The following SLCO5A1 variants were observed in gnomAD, a reference collection of about 807,000 sequenced individuals.
The protein encoded by SLCO5A1 is solute carrier organic anion transporter family member 5A1.
A neutral mutation model predicts 65.1 loss-of-function variants in SLCO5A1; 39 were observed. The observed-to-expected ratio is 0.60, with a 90% CI of 0.46 to 0.78. SLCO5A1 has a LOEUF of 0.78. Among genes scored for constraint, SLCO5A1 ranks in the 30% least tolerant of loss-of-function variants. The pLI, the probability that SLCO5A1 is intolerant of heterozygous loss-of-function variation, is 0.00. For missense variants in SLCO5A1, 1,029 were observed against 1,069.4 expected (o/e 0.96, Z 0.53); for synonymous variants, 438 against 415.7 (o/e 1.05, Z -0.65).
At chr8:69,733,473 C>G (rs537452833) in intron 5 of SLCO5A1, among the ~76,000 whole-genome samples, 1 of 152,140 alleles carries the variant, frequency 6.6e-6, no homozygotes, top group Admixed American at 6.5e-5. Context: ...AACTAGTTAC[C>G]GGCAGTGAAT....
At chr8:69,769,889 A>G (rs1327062456) in intron 2 of SLCO5A1, among the ~76,000 whole-genome samples, 1 of 152,208 alleles carries the variant, frequency 6.6e-6, no homozygotes, top group Non-Finnish European at 1.5e-5. Flanking sequence ...ACTAAATATA[A>G]GATGGATTTA....
intron 2 of SLCO5A1, among the ~76,000 whole-genome samples, chr8:69,792,225 C>T (rs1367493429): frequency 2.0e-5 from 3 of 151,686 alleles, no homozygotes; most frequent in African/African-American, 7.3e-5. Context: ...AATGGCCAAA[C>T]AGAGCAGTGC....
chr8:69,730,625 C>A (rs117776355), intron 5 of SLCO5A1, among the ~76,000 whole-genome samples: 1 of 152,310 alleles, frequency 6.6e-6, no homozygotes, highest in East Asian at 1.9e-4. Context: ...GCACTGACTC[C>A]TAGTCAAGGC....
chr8:69,676,220 G>T (rs533404722), intron 9 of SLCO5A1, among the ~76,000 whole-genome samples: 1 of 152,136 alleles, frequency 6.6e-6, no homozygotes, highest in African/African-American at 2.4e-5. Flanking sequence ...AAGAAGTGAG[G>T]CATTGAAAAC....
chr8:69,825,858 C>A (rs1405945413), intron 2 of SLCO5A1, among the ~76,000 whole-genome samples: 11 of 152,202 alleles, frequency 7.2e-5, no homozygotes, highest in Non-Finnish European at 1.5e-5. Flanking sequence ...CTGGAGGCAT[C>A]ACACTACCTG....
intron 4 of SLCO5A1, among the ~76,000 whole-genome samples, chr8:69,748,850 A>AC (rs1817153694): frequency 6.6e-6 from 1 of 152,160 alleles, no homozygotes; most frequent in South Asian, 2.1e-4. Flanking sequence ...ACTGGGGCCT[A>AC]AAGACCTGGG....
At chr8:69,753,336 G>C (rs1817403628) in intron 4 of SLCO5A1, among the ~76,000 whole-genome samples, 4 of 152,116 alleles carry the variant, frequency 2.6e-5, no homozygotes, top group Admixed American at 1.3e-4. Context: ...GAGGCCAGGG[G>C]GTTCATTCCT....
intron 6 of SLCO5A1, among the ~76,000 whole-genome samples, chr8:69,704,017 G>A (rs1017111696): frequency 2.6e-5 from 4 of 152,152 alleles, no homozygotes; most frequent in African/African-American, 7.2e-5. Flanking sequence ...AGCCACAGAG[G>A]TGTATTTACA....
chr8:69,820,849 C>T (rs1258580025), intron 2 of SLCO5A1, among the ~76,000 whole-genome samples: 1 of 152,000 alleles, frequency 6.6e-6, no homozygotes, highest in Non-Finnish European at 1.5e-5. Context: ...TATGTATGCA[C>T]ACATGGAATC....
At chr8:69,710,558 A>C (rs957229669) in intron 5 of SLCO5A1, among the ~76,000 whole-genome samples, 1 of 152,152 alleles carries the variant, frequency 6.6e-6, no homozygotes, top group Non-Finnish European at 1.5e-5. Flanking sequence ...AAACGTATAC[A>C]TGCTATCAAT....
chr8:69,711,430 G>T (rs752213277), intron 5 of SLCO5A1, among the ~76,000 whole-genome samples: 3 of 152,180 alleles, frequency 2.0e-5, no homozygotes, highest in Non-Finnish European at 4.4e-5. Context: ...CCTGGGGAGC[G>T]CAGGAGAAAA....
At chr8:69,800,705 C>G (rs1006500561) in intron 2 of SLCO5A1, among the ~76,000 whole-genome samples, 1 of 152,160 alleles carries the variant, frequency 6.6e-6, no homozygotes, top group African/African-American at 2.4e-5. Context: ...AAGGTTTATT[C>G]CTCGGTCACA....
chr8:69,687,566 T>C (rs1197714924), intron 6 of SLCO5A1, among the ~76,000 whole-genome samples: 7 of 152,190 alleles, frequency 4.6e-5, no homozygotes, highest in Non-Finnish European at 1.0e-4. Flanking sequence ...TTTCAAAATA[T>C]CTTTATTTAT....
At chr8:69,694,309 A>G (rs1452529599) in intron 6 of SLCO5A1, among the ~76,000 whole-genome samples, 7 of 152,232 alleles carry the variant, frequency 4.6e-5, no homozygotes, top group Non-Finnish European at 8.8e-5. Context: ...TTCTTTAACT[A>G]AAACATAGAT....
chr8:69,780,570 G>A (rs1263452147), intron 2 of SLCO5A1, among the ~76,000 whole-genome samples: 1 of 152,218 alleles, frequency 6.6e-6, no homozygotes, highest in Non-Finnish European at 1.5e-5. Flanking sequence ...AATAGCACAT[G>A]TTCTCACTTA....
At chr8:69,829,763 T>G (rs1357516706) in intron 2 of SLCO5A1, among the ~76,000 whole-genome samples, 2 of 152,234 alleles carry the variant, frequency 1.3e-5, no homozygotes, top group African/African-American at 4.8e-5. Context: ...AGGGAATGAT[T>G]ATGAACTTCC....
At chr8:69,817,854 G>A (rs1820468921) in intron 2 of SLCO5A1, among the ~76,000 whole-genome samples, 1 of 152,122 alleles carries the variant, frequency 6.6e-6, no homozygotes, top group Non-Finnish European at 1.5e-5. Context: ...TTTCTAGATT[G>A]TCTTTAAAGA....
intron 5 of SLCO5A1, among the ~76,000 whole-genome samples, chr8:69,711,836 A>G (rs57237145): frequency 0.11 from 16,646 of 152,272 alleles, 1,150 homozygotes; most frequent in African/African-American, 0.19. Context: ...GACCAACAGC[A>G]TACACTCAAT....
intron 6 of SLCO5A1, among the ~76,000 whole-genome samples, chr8:69,682,752 A>G (rs533449669): frequency 4.4e-4 from 67 of 152,364 alleles, no homozygotes; most frequent in Non-Finnish European, 8.8e-4. Context: ...TTTAGTATTG[A>G]ATCAATAACA....
Sources: gnomAD v4.1 joint callset for allele counts (sites outside exome capture counted in the v4.1 genomes callset) on GRCh38, gnomAD v4.1.1 for gene constraint, MANE v1.5 for transcripts, NCBI Gene and HGNC (gene_info 2026-07-23, HGNC 2026-07-21) for gene names.